Variants in VOPP1 observed in about 807,000 individuals in gnomAD.
The protein encoded by VOPP1 is WW domain binding protein VOPP1.
Under a neutral mutation model 23.5 loss-of-function variants are expected in VOPP1, and 8 were observed. The ratio of observed to expected loss-of-function variants is 0.34; its 90% CI spans 0.20 to 0.61. VOPP1 has a LOEUF of 0.61. Among genes scored for constraint, VOPP1 ranks in the 20% least tolerant of loss-of-function variants. The pLI is 0.78. For missense variants in VOPP1, 174 were observed against 238.1 expected (o/e 0.73, Z 1.77); for synonymous variants, 83 against 97.3 (o/e 0.85, Z 0.86).
At chr7:55,462,793 C>G (rs1163753450) in intron 4 of VOPP1, among the ~76,000 whole-genome samples, 1 of 149,912 alleles carries the variant, frequency 6.7e-6, no homozygotes, top group African/African-American at 2.4e-5. Context: ...GTAGCTGGGA[C>G]TACAGGCGCC....
At chr7:55,516,924 A>ATTTTTTTTTTTTTTTTTTTTTTTTTTT (rs1562947396) in intron 2 of VOPP1, among the ~76,000 whole-genome samples, 1 of 43,064 alleles carries the variant, frequency 2.3e-5, no homozygotes, top group African/African-American at 1.2e-4. Context: ...ATATATATAT[A>ATTTTTTTTTTTTTTTTTTTTTTTTTTT]TATATATATT....
chr7:55,567,632 A>G (rs894333337), intron 1 of VOPP1, among the ~76,000 whole-genome samples: 8 of 152,104 alleles, frequency 5.3e-5, no homozygotes, highest in African/African-American at 1.9e-4. Flanking sequence ...TCTGGGCCCA[A>G]CGCCCACAGG....
In VOPP1 at chr7:55,554,856, G is replaced by T. The variant is rs187183121; in HGVS notation, c.54+17415C>A. On this transcript the variant is annotated intron_variant, in intron 1 of 4. Coordinates refer to ENST00000285279, the MANE Select transcript of VOPP1 (RefSeq NM_030796.5). Reference sequence around the variant, plus strand: ...TGTCATTGAAGATTTAGATGTAGATGAGATTCCCCAGGATTTTTCGCAGAA... The same window carrying T: ...TGTCATTGAAGATTTAGATGTAGATTAGATTCCCCAGGATTTTTCGCAGAA... 9.4e-4 allele frequency among the ~76,000 whole-genome samples: 143 copies of T among 152,326 alleles called. 1 individual carries two copies. The highest frequency in any genetic ancestry group is 3.4e-3 in the African/African-American group (143 of 41,566).
At chr7:55,476,536 C>CA (rs1288294651) in intron 4 of VOPP1, among the ~76,000 whole-genome samples, 1 of 152,140 alleles carries the variant, frequency 6.6e-6, no homozygotes, top group African/African-American at 2.4e-5. Flanking sequence ...AGGCAGCTGA[C>CA]AGAGTATGTG....
chr7:55,459,601 G>A (rs1408478430), intron 4 of VOPP1, among the ~76,000 whole-genome samples: 1 of 152,108 alleles, frequency 6.6e-6, no homozygotes, highest in Non-Finnish European at 1.5e-5. Flanking sequence ...AATCTTGGAA[G>A]GTTGTATGTG....
chr7:55,522,468 A>AT lies in VOPP1; in HGVS notation c.55-1339dup, dbSNP rs1181480094. On this transcript the variant is annotated intron_variant, in intron 1 of 4. Coordinates refer to ENST00000285279, the MANE Select transcript of VOPP1 (RefSeq NM_030796.5). Reference sequence around the variant, plus strand: ...CTCAGACAGCTGACGAAATCAATTTATTTTGGCACAGAAGAGCAATTTCAG... The same window carrying AT: ...CTCAGACAGCTGACGAAATCAATTTATTTTTGGCACAGAAGAGCAATTTCAG... Among the ~76,000 whole-genome samples, 9 of 152,348 alleles carry AT rather than the reference A, an allele frequency of 5.9e-5. No homozygotes were observed. In the East Asian group the frequency reaches 1.4e-3, roughly 23 times the overall value.
At chr7:55,514,147 G>A (rs1033632005) in intron 2 of VOPP1, among the ~76,000 whole-genome samples, 1 of 152,226 alleles carries the variant, frequency 6.6e-6, no homozygotes, top group Non-Finnish European at 1.5e-5. Context: ...TGGAAGGAGA[G>A]ATGAGGTGGT....
intron 1 of VOPP1, among the ~76,000 whole-genome samples, chr7:55,540,232 C>T (rs1013559710): frequency 2.0e-5 from 3 of 151,576 alleles, no homozygotes; most frequent in African/African-American, 7.3e-5. Flanking sequence ...ACCCTGTCTC[C>T]GCTAAAAATA....
At chr7:55,508,985 G>C (rs1400265376) in intron 2 of VOPP1, among the ~76,000 whole-genome samples, 2 of 152,218 alleles carry the variant, frequency 1.3e-5, no homozygotes, top group Non-Finnish European at 1.5e-5. Flanking sequence ...TGAGGCTGCA[G>C]TGAGCTAGTA....
intron 2 of VOPP1, among the ~76,000 whole-genome samples, chr7:55,501,469 A>G (rs898938812): frequency 2.6e-5 from 4 of 152,248 alleles, no homozygotes; most frequent in Middle Eastern, 3.4e-3. Flanking sequence ...CTCGTGGAAG[A>G]TTCTGGGTGG....
chr7:55,535,177 G>A lies in VOPP1; in HGVS notation c.55-14047C>T, dbSNP rs372730518. ...GGGGGCTACGCAGGGCTCTGTCATAGAGAATAGGAAAGGAGGGCACACAGC... is the reference window on the plus strand; with the variant it reads ...GGGGGCTACGCAGGGCTCTGTCATAAAGAATAGGAAAGGAGGGCACACAGC... On this transcript the variant is annotated intron_variant, in intron 1 of 4. Transcript: ENST00000285279. Among the ~76,000 whole-genome samples, 5 of 152,342 alleles carry A rather than the reference G, an allele frequency of 3.3e-5. No homozygotes were observed. In the East Asian group the frequency reaches 7.7e-4, roughly 23 times the overall value.
intron 1 of VOPP1, among the ~76,000 whole-genome samples, chr7:55,529,288 C>T (rs1268872412): frequency 6.7e-6 from 1 of 149,614 alleles, no homozygotes; most frequent in Non-Finnish European, 1.5e-5. Flanking sequence ...TCGCTTGAAC[C>T]TGGGAGGCGG....
At chr7:55,446,368 G>A (rs1791102396) in intron 4 of VOPP1, among the ~76,000 whole-genome samples, 1 of 152,156 alleles carries the variant, frequency 6.6e-6, no homozygotes, top group African/African-American at 2.4e-5. Context: ...AGAAGTGCTG[G>A]CTGGGAAGTC....
At chr7:55,521,686 G>GT (rs1251452643) in intron 1 of VOPP1, 2 of 987,012 alleles carry the variant, frequency 2.0e-6, no homozygotes, top group African/African-American at 3.5e-5. Flanking sequence ...GGCTTTCCAG[G>GT]TAAGTCCAGC....
intron 1 of VOPP1, chr7:55,553,712 G>C (rs11769003): frequency 0.17 from 25,834 of 148,714 alleles, 2,373 homozygotes; most frequent in Middle Eastern, 0.23. Flanking sequence ...CCGTCCTCAA[G>C]ACCTGGTTCC....
At chr7:55,547,429 G>T (rs1446482567) in intron 1 of VOPP1, among the ~76,000 whole-genome samples, 1 of 152,202 alleles carries the variant, frequency 6.6e-6, no homozygotes, top group African/African-American at 2.4e-5. Flanking sequence ...ACAGTGACAT[G>T]TAAGTACAGG....
chr7:55,558,196 T>A (rs1278391110), intron 1 of VOPP1, among the ~76,000 whole-genome samples: 1 of 152,010 alleles, frequency 6.6e-6, no homozygotes, highest in Admixed American at 6.6e-5. Flanking sequence ...TGCTAAGGGG[T>A]AGACCTTATG....
At chr7:55,508,078 A>C (rs1794846874) in intron 2 of VOPP1, among the ~76,000 whole-genome samples, 1 of 152,250 alleles carries the variant, frequency 6.6e-6, no homozygotes, top group South Asian at 2.1e-4. Flanking sequence ...AGAAAGCATT[A>C]CAAATACTTA....
chr7:55,454,904 C>G (rs1009259686), intron 4 of VOPP1, among the ~76,000 whole-genome samples: 2 of 152,174 alleles, frequency 1.3e-5, no homozygotes, highest in Non-Finnish European at 2.9e-5. Flanking sequence ...CAAGGATGCC[C>G]TCTCTCATCA....
Sources: gnomAD v4.1 joint callset for allele counts (sites outside exome capture counted in the v4.1 genomes callset) on GRCh38, gnomAD v4.1.1 for gene constraint, MANE v1.5 for transcripts, NCBI Gene and HGNC (gene_info 2026-07-23, HGNC 2026-07-21) for gene names.